Variants in PPP1R12A observed in about 807,000 individuals in gnomAD.
PPP1R12A encodes myosin binding subunit.
A neutral mutation model predicts 139.6 loss-of-function variants in PPP1R12A; 19 were observed. The observed-to-expected ratio is 0.14, with a 90% CI of 0.09 to 0.20. The LOEUF is 0.20. Ranked by LOEUF, PPP1R12A falls within the 10% of genes least tolerant of loss-of-function variation. The pLI is 1.00. For synonymous variants in PPP1R12A, 427 were observed against 420.6 expected, an observed-to-expected ratio of 1.02 and a Z score of -0.19; for missense variants, 925 against 1,211.5, an observed-to-expected ratio of 0.76 and a Z score of 3.51.
rs115517928 is a variant in PPP1R12A at position 79,876,812 on chromosome 12, C to G, written c.238-3874G>C. ...GGATCATGAGATCAGCAGATCAAGA[C>G]CATCCTGGGAAACATGGTGAAACCC... On this transcript the variant is annotated intron_variant, in intron 1 of 24. Coordinates refer to ENST00000450142, the MANE Select transcript of PPP1R12A (RefSeq NM_002480.3). Among the ~76,000 whole-genome samples the G allele has an allele frequency of 8.7e-3, 1,327 of 152,188 alleles. 22 individuals are homozygous for G. Among genetic ancestry groups the G allele is most frequent in the African/African-American group, 0.031 (1,276 of 41,522 alleles).
intron 1 of PPP1R12A, among the ~76,000 whole-genome samples, chr12:79,899,655 T>G (rs1231457557): frequency 6.6e-6 from 1 of 152,194 alleles, no homozygotes; most frequent in Non-Finnish European, 1.5e-5. Context: ...GGGCTATTTC[T>G]AGTTTTTGAC....
intron 14 of PPP1R12A, among the ~76,000 whole-genome samples, chr12:79,800,298 C>T (rs1465359420): frequency 6.6e-6 from 1 of 152,122 alleles, no homozygotes; most frequent in Non-Finnish European, 1.5e-5. Context: ...ATAGCAAGAC[C>T]AATCCCTCCT....
chr12:79,853,031 A>G (rs1880241944), intron 2 of PPP1R12A, among the ~76,000 whole-genome samples: 1 of 151,950 alleles, frequency 6.6e-6, no homozygotes, highest in Admixed American at 6.6e-5. Context: ...TAAAGTCCCA[A>G]CTCTGTACCT....
At chr12:79,931,187 C>T (rs1888226664) in intron 1 of PPP1R12A, among the ~76,000 whole-genome samples, 1 of 152,152 alleles carries the variant, frequency 6.6e-6, no homozygotes, top group Non-Finnish European at 1.5e-5. Context: ...TGAATTGCAA[C>T]TATGAAAATC....
intron 1 of PPP1R12A, among the ~76,000 whole-genome samples, chr12:79,919,145 A>G (rs2136939061): frequency 6.6e-6 from 1 of 152,078 alleles, no homozygotes; most frequent in South Asian, 2.1e-4. Context: ...GTGCACTTCC[A>G]GATCTTTACA....
chr12:79,810,759 C>CA (rs1874426322), intron 9 of PPP1R12A, among the ~76,000 whole-genome samples: 1 of 152,024 alleles, frequency 6.6e-6, no homozygotes, highest in Admixed American at 6.6e-5. Flanking sequence ...GATAATATAG[C>CA]ATGTGACTGA....
rs545812682 is a variant in PPP1R12A, at chr12:79,821,259, A to G, written c.868-93T>C. Reference sequence around the variant, plus strand: ...TAAAATAATAACAAAGTAGTTTTTCAGACATTAAATAAGACAAAACAAAGA... The same window carrying G: ...TAAAATAATAACAAAGTAGTTTTTCGGACATTAAATAAGACAAAACAAAGA... On this transcript the variant is annotated intron_variant, in intron 6 of 24. Coordinates refer to ENST00000450142, the MANE Select transcript of PPP1R12A (RefSeq NM_002480.3). 5.3e-5 allele frequency: 45 copies of G among 854,828 alleles called. 1 individual carries two copies. The South Asian group carries it at 7.3e-4, about 14-fold the overall frequency. The allele number at this position is 854,828 out of a possible 1,614,324, so 53.0% of individuals were successfully genotyped here.
intron 1 of PPP1R12A, among the ~76,000 whole-genome samples, chr12:79,911,848 T>A (rs1459063863): frequency 6.6e-6 from 1 of 152,030 alleles, no homozygotes; most frequent in Non-Finnish European, 1.5e-5. Flanking sequence ...CCCAATCTGT[T>A]CTACAGCCAG....
At chr12:79,830,549 A>G (rs1248097243) in intron 4 of PPP1R12A, among the ~76,000 whole-genome samples, 1 of 152,196 alleles carries the variant, frequency 6.6e-6, no homozygotes, top group Non-Finnish European at 1.5e-5. Context: ...TGTTACTTTG[A>G]TTGAATTTGC....
chr12:79,860,874 T>C (rs538208428), intron 2 of PPP1R12A, among the ~76,000 whole-genome samples: 45 of 152,118 alleles, frequency 3.0e-4, no homozygotes, highest in Non-Finnish European at 4.4e-4. Context: ...GTGGTGGTGG[T>C]GGCGGCATTA....
Position 79,923,211 on chromosome 12 carries a change from T to A in PPP1R12A, c.237+11484A>T, listed in dbSNP as rs2656035. Among the ~76,000 whole-genome samples, 1,193 of 152,284 alleles carry A rather than the reference T, an allele frequency of 7.8e-3. 17 individuals carry two copies. The highest frequency in any genetic ancestry group is 0.027 in the African/African-American group (1,132 of 41,550). On this transcript the variant is annotated intron_variant, in intron 1 of 24. Transcript: ENST00000450142. ...ATCGCTTGAACCCAGGAGACGGTAGTTGCAGTCAGCCGAGATCACGCCCCT... is the reference window on the plus strand; with the variant it reads ...ATCGCTTGAACCCAGGAGACGGTAGATGCAGTCAGCCGAGATCACGCCCCT...
intron 18 of PPP1R12A, among the ~76,000 whole-genome samples, chr12:79,794,940 G>C (rs888635864): frequency 5.9e-5 from 9 of 152,022 alleles, no homozygotes; most frequent in Admixed American, 1.3e-4. Context: ...CAGGATACTA[G>C]CTGACTTTGA....
chr12:79,845,688 T>A (rs1879293206), intron 2 of PPP1R12A, among the ~76,000 whole-genome samples: 1 of 151,784 alleles, frequency 6.6e-6, no homozygotes. Context: ...TACAAAAAAT[T>A]AGCCGGGCGT....
At chr12:79,788,364 A>T (rs1265224076) in intron 21 of PPP1R12A, 1 of 224,032 alleles carries the variant, frequency 4.5e-6, no homozygotes, top group African/African-American at 2.3e-5. Flanking sequence ...AACAAGAAAC[A>T]AAGTGTGTAT....
At position 79,927,384 on chromosome 12, in the gene PPP1R12A, T is replaced by G. The variant is rs948425150; in HGVS notation, c.237+7311A>C. 3.9e-5 allele frequency among the ~76,000 whole-genome samples: 6 copies of G among 152,298 alleles called. No homozygotes were observed. In the South Asian group the frequency reaches 6.2e-4, roughly 16 times the overall value. Reference sequence around the variant, plus strand: ...AAATAATCTTGGCACTTCCTAAAATTTAGGACAATTTCGAATTCTGAGATT... The same window carrying G: ...AAATAATCTTGGCACTTCCTAAAATGTAGGACAATTTCGAATTCTGAGATT... On this transcript the variant is annotated intron_variant, in intron 1 of 24. Transcript: ENST00000450142.
rs182610353 is a variant in PPP1R12A, at chr12:79,794,007, G to A, written c.2584-79C>T. 420 of 1,039,054 alleles carry A rather than the reference G, an allele frequency of 4.0e-4. 1 individual carries two copies. The African/African-American group carries it at 6.3e-3, about 16-fold the overall frequency. 64.4% of individuals were successfully genotyped at this position (1,039,054 alleles called of 1,614,324 possible). Reference sequence around the variant, plus strand: ...ATTTATTTTTTAAAATTATTTTTGGGAGTCCTTCTCTCTCAGAATATACAT... The same window carrying A: ...ATTTATTTTTTAAAATTATTTTTGGAAGTCCTTCTCTCTCAGAATATACAT... On this transcript the variant is annotated intron_variant, in intron 18 of 24. Transcript: ENST00000450142.
chr12:79,823,327 G>A (rs1307860315), intron 5 of PPP1R12A, among the ~76,000 whole-genome samples: 1 of 151,918 alleles, frequency 6.6e-6, no homozygotes, highest in African/African-American at 2.4e-5. Flanking sequence ...AATTCTGAAA[G>A]AAAGTTAAAA....
At chr12:79,857,413 C>A (rs1196166815) in intron 2 of PPP1R12A, among the ~76,000 whole-genome samples, 2 of 147,976 alleles carry the variant, frequency 1.4e-5, no homozygotes, top group East Asian at 2.0e-4. Context: ...AGGGGAACAT[C>A]ACACTCTGGG....
chr12:79,886,778 C>T (rs1884144657), intron 1 of PPP1R12A, among the ~76,000 whole-genome samples: 1 of 152,102 alleles, frequency 6.6e-6, no homozygotes, highest in Non-Finnish European at 1.5e-5. Flanking sequence ...TCAACAAATA[C>T]TATATATTTG....
Sources: gnomAD v4.1 joint callset for allele counts (sites outside exome capture counted in the v4.1 genomes callset) on GRCh38, gnomAD v4.1.1 for gene constraint, MANE v1.5 for transcripts, NCBI Gene and HGNC (gene_info 2026-07-23, HGNC 2026-07-21) for gene names.